The following GABRG3 variants were observed in gnomAD, a reference collection of about 807,000 sequenced individuals.
The protein encoded by GABRG3 is gamma-aminobutyric acid receptor subunit gamma-3.
A neutral mutation model predicts 48.8 loss-of-function variants in GABRG3; 25 were observed. That is an observed-to-expected ratio of 0.51 (90% confidence interval 0.37 to 0.72). The LOEUF (loss-of-function observed/expected upper bound fraction) is 0.72, where lower values mean the gene tolerates loss of function less well. Ranked by LOEUF, GABRG3 falls within the 30% of genes least tolerant of loss-of-function variation. The pLI, the probability that GABRG3 is intolerant of heterozygous loss-of-function variation, is 0.00. For synonymous variants in GABRG3, 227 were observed against 217.6 expected (o/e 1.04, Z -0.38); for missense variants, 394 against 577.9 (o/e 0.68, Z 3.26).
intron 9 of GABRG3, among the ~76,000 whole-genome samples, chr15:27,531,780 C>T (rs1331882547): frequency 6.6e-6 from 1 of 152,190 alleles, no homozygotes; most frequent in Non-Finnish European, 1.5e-5. Flanking sequence ...TATTTGCAGC[C>T]ATGTCTCAGG....
At chr15:27,470,399 TA>T (rs1566855854) in intron 5 of GABRG3, among the ~76,000 whole-genome samples, 1 of 151,838 alleles carries the variant, frequency 6.6e-6, no homozygotes, top group African/African-American at 2.4e-5. Flanking sequence ...ATTTTTTTTT[TA>T]AATTTGTATT....
chr15:27,403,363 G>C (rs911454064), intron 5 of GABRG3, among the ~76,000 whole-genome samples: 18 of 152,140 alleles, frequency 1.2e-4, no homozygotes, highest in African/African-American at 4.3e-4. Context: ...GAAGCAATGA[G>C]AGCTGAGAAA....
At chr15:26,997,760 C>T (rs984851608) in intron 2 of GABRG3, among the ~76,000 whole-genome samples, 3 of 152,198 alleles carry the variant, frequency 2.0e-5, no homozygotes, top group African/African-American at 7.2e-5. Context: ...TTTGTTATCA[C>T]AATTTAGGAA....
chr15:27,412,341 C>T (rs1887822388), intron 5 of GABRG3, among the ~76,000 whole-genome samples: 1 of 152,124 alleles, frequency 6.6e-6, no homozygotes, highest in Non-Finnish European at 1.5e-5. Context: ...AAGCCACATT[C>T]ACTCCCTCCT....
At chr15:27,034,006 C>G (rs1429900422) in intron 3 of GABRG3, among the ~76,000 whole-genome samples, 1 of 152,142 alleles carries the variant, frequency 6.6e-6, no homozygotes, top group Non-Finnish European at 1.5e-5. Flanking sequence ...ATGCCAAACC[C>G]CAGATCTCCT....
intron 3 of GABRG3, among the ~76,000 whole-genome samples, chr15:27,116,871 C>T (rs957000477): frequency 6.6e-6 from 1 of 152,184 alleles, no homozygotes; most frequent in African/African-American, 2.4e-5. Flanking sequence ...ATCTTGGAAG[C>T]AGAGAGCTGT....
intron 5 of GABRG3, among the ~76,000 whole-genome samples, chr15:27,413,494 G>A (rs576173493): frequency 1.8e-4 from 27 of 152,274 alleles, no homozygotes; most frequent in Admixed American, 1.2e-3. Flanking sequence ...TTAGAAATGA[G>A]CTGTCACCTG....
intron 5 of GABRG3, among the ~76,000 whole-genome samples, chr15:27,403,917 A>C (rs1031768006): frequency 8.5e-5 from 11 of 129,854 alleles, no homozygotes; most frequent in East Asian, 4.5e-4. Context: ...AAAAAAACAA[A>C]AAAAAAAAAA....
intron 5 of GABRG3, among the ~76,000 whole-genome samples, chr15:27,431,070 T>C (rs1433001890): frequency 6.6e-6 from 1 of 151,824 alleles, no homozygotes; most frequent in Non-Finnish European, 1.5e-5. Context: ...TTCTAGACTC[T>C]CAATTCTGTT....
intron 3 of GABRG3, among the ~76,000 whole-genome samples, chr15:27,247,951 G>T (rs1890318859): frequency 6.6e-6 from 1 of 152,090 alleles, no homozygotes; most frequent in African/African-American, 2.4e-5. Flanking sequence ...ATTTGGGTGG[G>T]GACACAGAGC....
At chr15:27,152,962 G>A (rs1898346891) in intron 3 of GABRG3, among the ~76,000 whole-genome samples, 1 of 151,014 alleles carries the variant, frequency 6.6e-6, no homozygotes, top group African/African-American at 2.4e-5. Flanking sequence ...CCGGGTTCAC[G>A]CCGTTCTCCT....
rs928210725 is a variant in GABRG3, at chr15:27,508,941, A to G, written c.713-11031A>G. 3.9e-5 allele frequency among the ~76,000 whole-genome samples: 6 copies of G among 152,000 alleles called. No homozygotes were observed. The South Asian group carries it at 8.3e-4, about 21-fold the overall frequency. On this transcript the variant is annotated intron_variant, in intron 6 of 9. Coordinates refer to ENST00000615808, the MANE Select transcript of GABRG3 (RefSeq NM_033223.5). ...TCACCGTGTTAGCCGGGATGCTTTC[A>G]ATCTCCTGACCTCCTGATCCGCCCG...
intron 3 of GABRG3, among the ~76,000 whole-genome samples, chr15:27,166,234 CAG>C (rs1241985099): frequency 2.6e-5 from 4 of 152,036 alleles, no homozygotes; most frequent in African/African-American, 7.3e-5. Context: ...TCAGAAATAA[CAG>C]AGGGGAAAAG....
intron 5 of GABRG3, among the ~76,000 whole-genome samples, chr15:27,466,589 CG>C (rs1293464445): frequency 2.1e-4 from 32 of 152,174 alleles, no homozygotes; most frequent in African/African-American, 7.7e-4. Flanking sequence ...TGCAACAGAC[CG>C]GGAAGCTACC....
chr15:27,503,945 G>A (rs904272420), intron 6 of GABRG3, among the ~76,000 whole-genome samples: 8 of 152,106 alleles, frequency 5.3e-5, no homozygotes, highest in Admixed American at 5.2e-4. Context: ...CTGTTGTGGT[G>A]TTCTTTGCTT....
intron 2 of GABRG3, among the ~76,000 whole-genome samples, chr15:26,995,089 T>A (rs1895316740): frequency 6.6e-6 from 1 of 152,112 alleles, no homozygotes; most frequent in South Asian, 2.1e-4. Flanking sequence ...CTGTTTCCCC[T>A]TTCAATTATG....
rs562472255 is a variant in GABRG3, at chr15:27,540,415, G to A, written c.*7534G>A. On this transcript the variant is annotated 3_prime_UTR_variant, in exon 10 of 10. Coordinates refer to ENST00000615808, the MANE Select transcript of GABRG3 (RefSeq NM_033223.5). ...TTGTGAGCTCAAAAAGACAATCACTGTGCTTCTTATCATCTAATTTGAGTC... is the reference window on the plus strand; with the variant it reads ...TTGTGAGCTCAAAAAGACAATCACTATGCTTCTTATCATCTAATTTGAGTC... 6.6e-6 allele frequency: 1 copy of A among 152,232 alleles called. No individual in the cohort carries two copies. Among genetic ancestry groups the A allele is most frequent in the Non-Finnish European group, 1.5e-5 (1 of 68,012 alleles). The allele number at this position is 152,232 out of a possible 1,614,324, so 9.4% of individuals were successfully genotyped here.
chr15:27,139,911 A>G (rs762521812), intron 3 of GABRG3, among the ~76,000 whole-genome samples: 8 of 152,118 alleles, frequency 5.3e-5, no homozygotes, highest in African/African-American at 9.7e-5. Flanking sequence ...CCAATGGCCA[A>G]TGGTTTAATC....
chr15:27,115,800 C>G (rs1391847220), intron 3 of GABRG3, among the ~76,000 whole-genome samples: 3 of 152,136 alleles, frequency 2.0e-5, no homozygotes, highest in Non-Finnish European at 4.4e-5. Flanking sequence ...TCAAAATTTT[C>G]AATTTTCAAA....
Sources: allele counts gnomAD v4.1 joint callset (sites outside exome capture counted in the v4.1 genomes callset), GRCh38; gene constraint gnomAD v4.1.1; transcripts MANE v1.5; gene names NCBI Gene and HGNC (gene_info 2026-07-23, HGNC 2026-07-21).